Variants in RPS6KC1 observed in about 807,000 individuals in gnomAD.
RPS6KC1 encodes the protein inactive ribosomal protein S6 kinase delta-1.
In RPS6KC1, 54 loss-of-function variants were observed where a neutral mutation model predicts 103.8. The ratio of observed to expected loss-of-function variants is 0.52; its 90% confidence interval spans 0.42 to 0.65. The LOEUF (loss-of-function observed/expected upper bound fraction) is 0.65, where lower values mean the gene tolerates loss of function less well. RPS6KC1 is among the 30% of genes least tolerant of loss of function. RPS6KC1 has a pLI of 0.00. For synonymous variants in RPS6KC1, 439 were observed against 438.7 expected (o/e 1.00, Z -0.01); for missense variants, 1,151 against 1,253.8 (o/e 0.92, Z 1.24).
At chr1:213,403,760 A>C in the RPS6KC1 span, among the ~76,000 whole-genome samples, 1 of 152,132 alleles carries the variant, frequency 6.6e-6, no homozygotes, top group Non-Finnish European at 1.5e-5. Flanking sequence ...ATAAACACTT[A>C]TCTGGGGGAA....
the RPS6KC1 span, among the ~76,000 whole-genome samples, chr1:213,574,960 G>A: frequency 3.3e-5 from 5 of 152,156 alleles, no homozygotes; most frequent in Admixed American, 1.3e-4. Context: ...GGAGGAGGTG[G>A]AATGAAGGGT....
At chr1:213,132,524 G>C (rs2085760435) in intron 6 of RPS6KC1, among the ~76,000 whole-genome samples, 1 of 152,182 alleles carries the variant, frequency 6.6e-6, no homozygotes, top group Admixed American at 6.5e-5. Flanking sequence ...TAGCATACTA[G>C]TCACCACCTA....
chr1:213,438,612 TA>T, the RPS6KC1 span, among the ~76,000 whole-genome samples: 1 of 152,180 alleles, frequency 6.6e-6, no homozygotes, highest in Non-Finnish European at 1.5e-5. Flanking sequence ...GTCTTTATAC[TA>T]AAAACAGCTT....
the RPS6KC1 span, among the ~76,000 whole-genome samples, chr1:213,568,835 C>T: frequency 4.6e-5 from 7 of 152,186 alleles, no homozygotes; most frequent in African/African-American, 1.7e-4. Flanking sequence ...GCTCTATATT[C>T]AAGTGCTGAT....
chr1:213,253,354 A>G (rs1045420828), intron 12 of RPS6KC1, among the ~76,000 whole-genome samples: 3 of 152,198 alleles, frequency 2.0e-5, no homozygotes, highest in African/African-American at 7.2e-5. Context: ...GTCTTAACAC[A>G]TATCTGTAAA....
the RPS6KC1 span, among the ~76,000 whole-genome samples, chr1:213,562,382 TTTTTTTTTTTTTTTTTTTTTTTTTTG>T: frequency 1.2e-5 from 1 of 84,942 alleles, no homozygotes; most frequent in African/African-American, 5.4e-5. Flanking sequence ...TTTTTTTTTT[TTTTTTTTTTTTTTTTTTTTTTTTTTG>T]AGACGGAGTC....
chr1:213,687,297 G>T, the RPS6KC1 span, among the ~76,000 whole-genome samples: 1 of 152,130 alleles, frequency 6.6e-6, no homozygotes, highest in Non-Finnish European at 1.5e-5. Context: ...CTGTTATAGA[G>T]AGGCTTAAAT....
chr1:213,558,592 T>C, the RPS6KC1 span, among the ~76,000 whole-genome samples: 1 of 152,248 alleles, frequency 6.6e-6, no homozygotes, highest in African/African-American at 2.4e-5. Context: ...TCCCTGTCTT[T>C]CTGGCCAATG....
chr1:213,359,249 G>T, the RPS6KC1 span, among the ~76,000 whole-genome samples: 2 of 152,180 alleles, frequency 1.3e-5, no homozygotes, highest in Admixed American at 1.3e-4. Context: ...CCTGTACTGG[G>T]TGCATATATA....
At chr1:213,639,177 T>C in the RPS6KC1 span, among the ~76,000 whole-genome samples, 1 of 152,156 alleles carries the variant, frequency 6.6e-6, no homozygotes, top group Non-Finnish European at 1.5e-5. Flanking sequence ...ACAATAGACA[T>C]TTTTGTATTG....
At chr1:213,270,513 T>A (rs1005388272) in intron 14 of RPS6KC1, among the ~76,000 whole-genome samples, 1 of 152,246 alleles carries the variant, frequency 6.6e-6, no homozygotes, top group African/African-American at 2.4e-5. Context: ...TGGTGGCTTA[T>A]ACCTGTAATC....
intron 14 of RPS6KC1, among the ~76,000 whole-genome samples, chr1:213,266,954 C>T (rs1215481275): frequency 2.6e-5 from 4 of 151,118 alleles, no homozygotes; most frequent in South Asian, 2.1e-4. Flanking sequence ...AAAAAACAGC[C>T]GAACTCTGGG....
chr1:213,832,227 T>A, the RPS6KC1 span, among the ~76,000 whole-genome samples: 3 of 152,258 alleles, frequency 2.0e-5, no homozygotes, highest in South Asian at 6.2e-4. Flanking sequence ...ACCTTAACCT[T>A]AGGGGGAAGA....
chr1:213,429,751 G>A, the RPS6KC1 span, among the ~76,000 whole-genome samples: 1 of 152,088 alleles, frequency 6.6e-6, no homozygotes. Flanking sequence ...TTTCCTCTAG[G>A]TCTTTCCCCA....
the RPS6KC1 span, chr1:213,843,650 A>C: frequency 6.6e-6 from 1 of 152,210 alleles, no homozygotes; most frequent in African/African-American, 2.4e-5. Flanking sequence ...AAATCTCCTG[A>C]CCAACCCCAT....
At chr1:213,470,866 C>T in the RPS6KC1 span, among the ~76,000 whole-genome samples, 3 of 152,162 alleles carry the variant, frequency 2.0e-5, no homozygotes, top group African/African-American at 7.2e-5. Flanking sequence ...CTCAAGTGAT[C>T]CTCCTCCTTC....
At chr1:213,341,495 A>C in the RPS6KC1 span, among the ~76,000 whole-genome samples, 4,763 of 152,308 alleles carry the variant, frequency 0.031, 110 homozygotes, top group Non-Finnish European at 0.052. Context: ...GAGAGAGGCC[A>C]CATAGAGTGG....
the RPS6KC1 span, among the ~76,000 whole-genome samples, chr1:213,385,662 C>T: frequency 6.6e-6 from 1 of 152,146 alleles, no homozygotes; most frequent in Non-Finnish European, 1.5e-5. Flanking sequence ...GGAGGATATT[C>T]CTCTTAGCTC....
rs11582410 is a variant in RPS6KC1, at chr1:213,211,397, C to G, written c.1045-19100C>G. On this transcript the variant is annotated intron_variant, in intron 8 of 14. Transcript: ENST00000366960. ...GAGAATGACAAAGGTGTGGAGAGAT[C>G]TAGCTTTTAAAGCATTTGGATCTGA... is the stretch of plus-strand genomic sequence containing the variant. Among the ~76,000 whole-genome samples the G allele has an allele frequency of 8.1e-3, 1,229 of 152,302 alleles. 20 individuals are homozygous for G. Among genetic ancestry groups the G allele is most frequent in the Non-Finnish European group, 0.011 (780 of 68,020 alleles).
Sources: gnomAD v4.1 joint callset for allele counts (sites outside exome capture counted in the v4.1 genomes callset) on GRCh38, gnomAD v4.1.1 for gene constraint, MANE v1.5 for transcripts, NCBI Gene and HGNC (gene_info 2026-07-23, HGNC 2026-07-21) for gene names.